CNTN5: variants seen among roughly 807,000 people sequenced by gnomAD.
CNTN5 encodes the protein contactin-5.
In CNTN5, 77 loss-of-function variants were observed where a neutral mutation model predicts 129.1. The ratio of observed to expected loss-of-function variants is 0.60; its 90% confidence interval spans 0.50 to 0.72. The LOEUF is 0.72. Among genes scored for constraint, CNTN5 ranks in the 30% least tolerant of loss-of-function variants. The pLI is 0.00. For missense variants in CNTN5, 1,478 were observed against 1,328.8 expected (o/e 1.11, Z -1.75); for synonymous variants, 509 against 465.6 (o/e 1.09, Z -1.20).
Position 100,224,758 on chromosome 11 carries a change from A to C in CNTN5, c.1951A>C (p.Arg651=). The C allele has an allele frequency of 6.2e-7, 1 of 1,613,180 alleles. No homozygotes were observed. The change falls in exon 16 of 25, where the codon AGG becomes CGG. Residue 651 remains arginine (R), a synonymous_variant. Coordinates refer to ENST00000524871, the MANE Select transcript of CNTN5 (RefSeq NM_014361.4). ...LLMHAGRYGC[R]VQTTADSVSD... is the part of the protein sequence containing the mutation. ...GATGCATGCTGGGAGATATGGCTGC[A>C]GGGTACAGACCACAGCAGACAGTGT...
intron 1 of CNTN5, among the ~76,000 whole-genome samples, chr11:99,103,764 CA>C (rs35274552): frequency 5.6e-3 from 724 of 128,488 alleles, no homozygotes; most frequent in African/African-American, 0.011. Context: ...AGGTGTCCTT[CA>C]AAAAAAAAAA....
At chr11:99,186,096 A>T (rs188080022) in intron 1 of CNTN5, among the ~76,000 whole-genome samples, 78 of 151,898 alleles carry the variant, frequency 5.1e-4, no homozygotes, top group African/African-American at 1.7e-3. Context: ...GAAAATAGAA[A>T]TTTTTCTTAG....
At chr11:99,508,210 T>C (rs185255135) in intron 2 of CNTN5, among the ~76,000 whole-genome samples, 2 of 152,152 alleles carry the variant, frequency 1.3e-5, no homozygotes, top group African/African-American at 4.8e-5. Flanking sequence ...CGTTGTAAAA[T>C]GAAAATAATA....
chr11:99,880,145 A>G (rs532119561), intron 6 of CNTN5, among the ~76,000 whole-genome samples: 1 of 152,330 alleles, frequency 6.6e-6, no homozygotes, highest in African/African-American at 2.4e-5. Flanking sequence ...TGTGTTCATT[A>G]ATATTTTGCA....
intron 8 of CNTN5, among the ~76,000 whole-genome samples, chr11:99,964,703 T>C (rs1355055485): frequency 6.6e-6 from 1 of 152,238 alleles, no homozygotes; most frequent in Non-Finnish European, 1.5e-5. Flanking sequence ...TCCCTCTTTT[T>C]CTATTGATTG....
At chr11:99,641,484 T>A (rs1951768467) in intron 3 of CNTN5, among the ~76,000 whole-genome samples, 1 of 152,064 alleles carries the variant, frequency 6.6e-6, no homozygotes, top group Non-Finnish European at 1.5e-5. Flanking sequence ...GACAGAGGGA[T>A]TTAAAGGAGG....
At position 99,062,083 on chromosome 11, in the gene CNTN5, T is replaced by C. The variant is rs11218270; in HGVS notation, c.-210+40813T>C. ...ATTAAATTGGGCTCAGTTGGAGAAC[T>C]TAGGAAGTTGTAGTGGAGTTATTCA... On this transcript the variant is annotated intron_variant, in intron 1 of 24. Transcript: ENST00000524871. 0.04 allele frequency among the ~76,000 whole-genome samples: 6,155 copies of C among 152,004 alleles called. 633 individuals carry two copies. In the East Asian group the frequency reaches 0.41, roughly 10 times the overall value.
chr11:99,952,391 A>G (rs1366698078), intron 7 of CNTN5, among the ~76,000 whole-genome samples: 1 of 152,198 alleles, frequency 6.6e-6, no homozygotes, highest in East Asian at 1.9e-4. Flanking sequence ...ATGAAAATAA[A>G]TGTGATTAAA....
intron 1 of CNTN5, among the ~76,000 whole-genome samples, chr11:99,259,996 T>C (rs977173382): frequency 2.0e-5 from 3 of 151,734 alleles, no homozygotes; most frequent in Non-Finnish European, 4.4e-5. Flanking sequence ...AAGTCCTTTC[T>C]GTATTATATA....
intron 9 of CNTN5, among the ~76,000 whole-genome samples, chr11:100,043,435 A>T (rs1307363177): frequency 6.6e-6 from 1 of 152,186 alleles, no homozygotes; most frequent in East Asian, 1.9e-4. Flanking sequence ...GGAGGCAAAA[A>T]ATTTAGGAGA....
At chr11:99,788,911 G>C (rs1053234907) in intron 3 of CNTN5, among the ~76,000 whole-genome samples, 4 of 151,776 alleles carry the variant, frequency 2.6e-5, no homozygotes, top group Non-Finnish European at 5.9e-5. Context: ...TCAACAGTCT[G>C]TGTTAGCTGA....
rs1027822316 is a variant in CNTN5 at position 100,254,774 on chromosome 11, A to G, written c.2006-986A>G. Among the ~76,000 whole-genome samples, 6 of 151,466 alleles carry G rather than the reference A, an allele frequency of 4.0e-5. No individual in the cohort carries two copies. In the South Asian group the frequency reaches 1.2e-3, roughly 31 times the overall value. On this transcript the variant is annotated intron_variant, in intron 16 of 24. Transcript: ENST00000524871. ...CTCATGTCTCTTAATCAACAAATCC[A>G]GAGAGCATTTGTACATAAAGACCAA...
chr11:99,817,371 T>C (rs1946622403), intron 3 of CNTN5, among the ~76,000 whole-genome samples: 1 of 152,212 alleles, frequency 6.6e-6, no homozygotes, highest in Non-Finnish European at 1.5e-5. Context: ...CAAATTAGCA[T>C]TTGGCTCATC....
chr11:99,174,422 C>T (rs1353051468), intron 1 of CNTN5, among the ~76,000 whole-genome samples: 1 of 152,174 alleles, frequency 6.6e-6, no homozygotes, highest in African/African-American at 2.4e-5. Flanking sequence ...ACTTAGTGAG[C>T]TCAACATGGT....
intron 1 of CNTN5, among the ~76,000 whole-genome samples, chr11:99,266,240 T>C (rs1309314438): frequency 2.6e-5 from 4 of 152,138 alleles, no homozygotes; most frequent in African/African-American, 9.7e-5. Context: ...AAATGCATTA[T>C]AACATCTGTT....
chr11:99,628,799 G>A (rs1951232191), intron 3 of CNTN5, among the ~76,000 whole-genome samples: 1 of 151,960 alleles, frequency 6.6e-6, no homozygotes, highest in South Asian at 2.1e-4. Flanking sequence ...CTTTGTCAGG[G>A]AAATGGAATT....
intron 2 of CNTN5, among the ~76,000 whole-genome samples, chr11:99,417,808 C>A (rs992330763): frequency 1.3e-5 from 2 of 152,034 alleles, no homozygotes; most frequent in African/African-American, 4.8e-5. Context: ...ATACTAAAAC[C>A]ATTACTAGCT....
At chr11:99,278,204 T>C (rs1365450622) in intron 1 of CNTN5, among the ~76,000 whole-genome samples, 5 of 151,302 alleles carry the variant, frequency 3.3e-5, no homozygotes, top group African/African-American at 1.2e-4. Context: ...TGGGGTGTAC[T>C]TGAATATAAT....
At chr11:99,695,878 C>A (rs982676874) in intron 3 of CNTN5, among the ~76,000 whole-genome samples, 3 of 152,002 alleles carry the variant, frequency 2.0e-5, no homozygotes, top group African/African-American at 7.2e-5. Flanking sequence ...ATGTCTATTA[C>A]TAACACTAAA....
Sources: gnomAD v4.1 joint callset for allele counts (sites outside exome capture counted in the v4.1 genomes callset) on GRCh38, gnomAD v4.1.1 for gene constraint, MANE v1.5 for transcripts, NCBI Gene and HGNC (gene_info 2026-07-23, HGNC 2026-07-21) for gene names.